The following KCND2 variants were observed in gnomAD, a reference collection of about 807,000 sequenced individuals.
KCND2 encodes the protein A-type voltage-gated potassium channel KCND2.
KCND2 carries 16 observed loss-of-function variants against 54.4 expected under a neutral mutation model. The ratio of observed to expected loss-of-function variants is 0.29; its 90% CI spans 0.20 to 0.45. The LOEUF is 0.45. Among genes scored for constraint, KCND2 ranks in the 20% least tolerant of loss-of-function variants. KCND2 has a pLI of 1.00. For synonymous variants in KCND2, 317 were observed against 310.7 expected (o/e 1.02, Z -0.21); for missense variants, 486 against 824.2 (o/e 0.59, Z 5.02).
At chr7:120,454,173 C>A (rs897911345) in intron 1 of KCND2, among the ~76,000 whole-genome samples, 4 of 150,140 alleles carry the variant, frequency 2.7e-5, no homozygotes, top group African/African-American at 7.3e-5. Flanking sequence ...GAAAACTAAC[C>A]CCAAAGCTAG....
Position 120,298,152 on chromosome 7 carries a change from T to C in KCND2, c.1115+22405T>C, listed in dbSNP as rs116124573. ...TCTTAACAGAGTGACTAGTTAAGTT[T>C]TGTATTTCTAAAGATGCATAATTGA... On this transcript the variant is annotated intron_variant, in intron 1 of 5. Transcript: ENST00000331113. Among the ~76,000 whole-genome samples, 157 of 152,258 alleles carry C rather than the reference T, an allele frequency of 1.0e-3. 1 individual carries two copies. Among genetic ancestry groups the C allele is most frequent in the African/African-American group, 3.7e-3 (154 of 41,554 alleles).
intron 1 of KCND2, among the ~76,000 whole-genome samples, chr7:120,353,001 T>C (rs1800437731): frequency 6.6e-6 from 1 of 152,020 alleles, no homozygotes; most frequent in East Asian, 1.9e-4. Context: ...ATTGACAAAA[T>C]AATAATCAGT....
intron 1 of KCND2, among the ~76,000 whole-genome samples, chr7:120,619,122 CTGAA>C (rs1428870215): frequency 4.6e-5 from 7 of 152,254 alleles, no homozygotes; most frequent in Admixed American, 4.6e-4. Context: ...TGTTGAATGA[CTGAA>C]TGAAGAATGA....
At chr7:120,590,460 T>G (rs1398648968) in intron 1 of KCND2, among the ~76,000 whole-genome samples, 1 of 152,192 alleles carries the variant, frequency 6.6e-6, no homozygotes, top group Non-Finnish European at 1.5e-5. Flanking sequence ...CAAATAATAT[T>G]AATAAGAAAT....
At chr7:120,612,463 G>A (rs1350174384) in intron 1 of KCND2, among the ~76,000 whole-genome samples, 4 of 152,154 alleles carry the variant, frequency 2.6e-5, no homozygotes, top group Admixed American at 6.5e-5. Flanking sequence ...AAATGATGAA[G>A]GAATATGTTG....
At chr7:120,738,100 A>G (rs564227400) in intron 2 of KCND2, among the ~76,000 whole-genome samples, 2 of 152,132 alleles carry the variant, frequency 1.3e-5, no homozygotes, top group African/African-American at 2.4e-5. Flanking sequence ...GATAAAACCC[A>G]TTGTGTTCCA....
In KCND2 at chr7:120,742,593, A is replaced by G. The variant is rs1248624244; in HGVS notation, c.1458A>G (p.Glu486=). Residue 486 remains glutamate, a synonymous_variant, in exon 4 of 6, where the codon GAA becomes GAG. Transcript: ENST00000331113. ...ACCACCACCTGCTTCACTGCCTGGAAAAAACCACGGTAAGGAGACAGCATG... is the reference window on the plus strand; with the variant it reads ...ACCACCACCTGCTTCACTGCCTGGAGAAAACCACGGTAAGGAGACAGCATG... The part of the protein sequence containing the change: ...TQHHHLLHCL[E]KTTNHEFVDE... The G allele has an allele frequency of 6.2e-7, 1 of 1,613,322 alleles. No individual in the cohort carries two copies. The highest frequency in any genetic ancestry group is 8.5e-7 in the Non-Finnish European group (1 of 1,179,430).
At chr7:120,602,257 A>T (rs1252763737) in intron 1 of KCND2, among the ~76,000 whole-genome samples, 1 of 152,212 alleles carries the variant, frequency 6.6e-6, no homozygotes, top group African/African-American at 2.4e-5. Flanking sequence ...GTTCATTCTC[A>T]GTGATCATCA....
intron 1 of KCND2, among the ~76,000 whole-genome samples, chr7:120,667,505 G>T (rs1216727361): frequency 2.0e-5 from 3 of 151,938 alleles, no homozygotes; most frequent in African/African-American, 7.2e-5. Context: ...AAAATCTAAG[G>T]AGTGGCATCT....
chr7:120,441,132 A>C (rs1286104747), intron 1 of KCND2, among the ~76,000 whole-genome samples: 1 of 152,068 alleles, frequency 6.6e-6, no homozygotes, highest in Non-Finnish European at 1.5e-5. Flanking sequence ...GAGGTACTGG[A>C]TAATTTTATA....
intron 1 of KCND2, among the ~76,000 whole-genome samples, chr7:120,386,915 AC>A (rs1329136675): frequency 6.6e-6 from 1 of 152,138 alleles, no homozygotes; most frequent in Non-Finnish European, 1.5e-5. Flanking sequence ...TTCTGTCCTC[AC>A]CAACTTCAGT....
At chr7:120,299,140 A>G (rs1301200248) in intron 1 of KCND2, among the ~76,000 whole-genome samples, 1 of 152,184 alleles carries the variant, frequency 6.6e-6, no homozygotes, top group African/African-American at 2.4e-5. Flanking sequence ...AGCCTGGGCA[A>G]TAAGAGCGAA....
At chr7:120,572,401 A>AT (rs1457250436) in intron 1 of KCND2, among the ~76,000 whole-genome samples, 3 of 152,186 alleles carry the variant, frequency 2.0e-5, no homozygotes, top group Middle Eastern at 3.4e-3. Context: ...TACACAGATT[A>AT]TTTTTTATGG....
At chr7:120,306,724 C>G (rs550297809) in intron 1 of KCND2, among the ~76,000 whole-genome samples, 1 of 151,854 alleles carries the variant, frequency 6.6e-6, no homozygotes, top group Non-Finnish European at 1.5e-5. Flanking sequence ...ACTTCTATAC[C>G]GTTATCATAT....
intron 1 of KCND2, among the ~76,000 whole-genome samples, chr7:120,472,440 A>T (rs542032749): frequency 6.0e-4 from 91 of 152,196 alleles, no homozygotes; most frequent in Non-Finnish European, 1.1e-3. Context: ...CTTCCGAATA[A>T]CATTGTTCTA....
At chr7:120,461,564 G>T (rs190340248) in intron 1 of KCND2, among the ~76,000 whole-genome samples, 1 of 152,166 alleles carries the variant, frequency 6.6e-6, no homozygotes, top group East Asian at 1.9e-4. Context: ...CCATGTGTAT[G>T]ATTTGAGACA....
intron 1 of KCND2, among the ~76,000 whole-genome samples, chr7:120,697,380 A>AT (rs571764791): frequency 3.9e-4 from 60 of 152,092 alleles, no homozygotes; most frequent in African/African-American, 1.1e-3. Context: ...GTATGTGAAG[A>AT]TTTTTTTTAT....
At chr7:120,473,001 G>A (rs1802481770) in intron 1 of KCND2, among the ~76,000 whole-genome samples, 1 of 152,172 alleles carries the variant, frequency 6.6e-6, no homozygotes, top group Admixed American at 6.5e-5. Context: ...TTCACCGATA[G>A]CAAGGATGGC....
At chr7:120,561,913 CTA>C (rs1290916185) in intron 1 of KCND2, among the ~76,000 whole-genome samples, 1 of 152,026 alleles carries the variant, frequency 6.6e-6, no homozygotes, top group Non-Finnish European at 1.5e-5. Context: ...CACCCGGCCG[CTA>C]TCTGATTTTG....
Sources: gnomAD v4.1 joint callset for allele counts (sites outside exome capture counted in the v4.1 genomes callset) on GRCh38, gnomAD v4.1.1 for gene constraint, MANE v1.5 for transcripts, NCBI Gene and HGNC (gene_info 2026-07-23, HGNC 2026-07-21) for gene names.